OPLAH: variants seen among roughly 807,000 people sequenced by gnomAD.
OPLAH encodes the protein 5-oxoprolinase, ATP-hydrolysing.
Under a neutral mutation model 122.8 loss-of-function variants are expected in OPLAH, and 103 were observed. The observed-to-expected ratio is 0.84, with a 90% CI of 0.71 to 0.99. OPLAH has a LOEUF of 0.99. OPLAH is among the 50% of genes least tolerant of loss of function. OPLAH has a pLI of 0.00. For synonymous variants in OPLAH, 875 were observed against 796.0 expected, an observed-to-expected ratio of 1.10 and a Z score of -1.67; for missense variants, 1,902 against 1,836.5, an observed-to-expected ratio of 1.04 and a Z score of -0.65.
In OPLAH at chr8:144,057,532, GGA is replaced by G. The variant is rs782628949; in HGVS notation, c.1336_1337del (p.Ser446ProfsTer33). ...SFLTNGPCPA[S>X]PLSLEEVAMG... The stretch of plus-strand genomic sequence containing the variant: ...TGGCCACCTCCTCCAGGCTCAGCGG[GGA>G]GGCCGGGCAGGGCCCGTTGGTCAGG... On this transcript the variant is annotated frameshift_variant, in exon 10 of 27. Coordinates refer to ENST00000618853, the MANE Select transcript of OPLAH (RefSeq NM_017570.5). LOFTEE classifies it high-confidence loss of function. 13 of 1,597,076 alleles carry G rather than the reference GGA, an allele frequency of 8.1e-6. No individual in the cohort carries two copies. The Admixed American group carries it at 2.3e-4, about 28-fold the overall frequency.
Position 144,053,128 on chromosome 8 carries a change from G to A in OPLAH, c.2873C>T (p.Ala958Val). ...GTCTCGCACGGCCAGCTCAGCGTTT[G>A]CCTGGCAGGGAGCAGGATCAGTGGT... ...VVQAYMGHIQANAELAVRDML... is the reference protein window; with the variant it reads ...VVQAYMGHIQVNAELAVRDML... The change falls in exon 21 of 27, where the codon GCA becomes GTA. Residue 958 changes from alanine (A) to valine (V), a missense_variant and splice_region_variant. Ala to Val is a moderately conservative substitution (Grantham distance 64). Transcript: ENST00000618853. 6.2e-7 allele frequency: 1 copy of A among 1,607,264 alleles called. No homozygotes were observed. The highest frequency in any genetic ancestry group is 8.5e-7 in the Non-Finnish European group (1 of 1,177,528).
rs782724508 is a variant in OPLAH, at chr8:144,054,820, T to A, written c.2503A>T (p.Ile835Phe). ...GGSHLPDLTV[I>F]TPVFWPGQTR... ...CGGGCAGCACCCCTCACCGGTGTGA[T>A]AACAGTCAGGTCTGGCAGGTGGCTG... is the stretch of plus-strand genomic sequence containing the variant. The change falls in exon 18 of 27, where the codon ATC (isoleucine) becomes TTC (phenylalanine). Residue 835 changes from isoleucine (I) to phenylalanine (F), a missense_variant. Physicochemically the swap from Ile to Phe is conservative, Grantham distance 21 (BLOSUM62 0). This residue lies in a region of OPLAH where 1,726 missense variants were observed against 1,642.1 expected (regional missense o/e 1.05). Transcript: ENST00000618853. 8 of 1,612,056 alleles carry A rather than the reference T, an allele frequency of 5.0e-6. No homozygotes were observed. The South Asian group carries it at 5.5e-5, about 11-fold the overall frequency.
At chr8:144,054,501 G>A (rs1835459534) in intron 19 of OPLAH, 60 bp downstream of exon 19, 3 of 1,491,794 alleles carry the variant, frequency 2.0e-6, no homozygotes, top group South Asian at 2.6e-5. Flanking sequence ...AGGCCTGCTT[G>A]CCAGCAGTGG....
rs1252455845 is a variant in OPLAH at position 144,052,607 on chromosome 8, G to C, written c.3154-9C>G. ...ACTGGCGCCAGGCAGCCCTGTGCGGGGCGGGCGGCTCTCAGGAGCTCTTGG... is the reference window on the plus strand; with the variant it reads ...ACTGGCGCCAGGCAGCCCTGTGCGGCGCGGGCGGCTCTCAGGAGCTCTTGG... On this transcript the variant is annotated splice_polypyrimidine_tract_variant and intron_variant, in intron 22 of 26. Coordinates refer to ENST00000618853, the MANE Select transcript of OPLAH (RefSeq NM_017570.5). The C allele has an allele frequency of 6.3e-7, 1 of 1,587,138 alleles. No homozygotes were observed. The highest frequency in any genetic ancestry group is 8.5e-7 in the Non-Finnish European group (1 of 1,171,972).
At chr8:144,054,970 T>TGGGGGGGGGGGGG in intron 17 of OPLAH, 57 bp from the exon 18 acceptor site, 3 of 306,184 alleles carry the variant, frequency 9.8e-6, no homozygotes, top group South Asian at 1.2e-4. Context: ...CAGAGCGGGG[T>TGGGGGGGGGGGGG]GGGGGGGGGG....
In OPLAH at chr8:144,053,142, A is replaced by G. The variant is rs1554758145; in HGVS notation, c.2872-13T>C. On this transcript the variant is annotated splice_polypyrimidine_tract_variant and intron_variant, in intron 20 of 26. Transcript: ENST00000618853. ...GCTCAGCGTTTGCCTGGCAGGGAGC[A>G]GGATCAGTGGTGGCCAGGTCACCTG... 1 of 1,607,804 alleles carries G rather than the reference A, an allele frequency of 6.2e-7. No individual in the cohort carries two copies. Among genetic ancestry groups the G allele is most frequent in the Non-Finnish European group, 8.5e-7 (1 of 1,177,734 alleles).
intron 15 of OPLAH, 72 bp downstream of exon 15, chr8:144,056,075 C>T: frequency 6.5e-7 from 1 of 1,542,408 alleles, no homozygotes. Context: ...AGCCTTGGGC[C>T]AGAGAACCCT....
chr8:144,055,682 G>A lies in OPLAH; in HGVS notation c.2248+106C>T, dbSNP rs114884224. The A allele has an allele frequency of 7.2e-3, 9,590 of 1,337,952 alleles. 97 individuals carry two copies. The highest frequency in any genetic ancestry group is 0.035 in the South Asian group (2,069 of 58,874). 82.9% of individuals were successfully genotyped at this position (1,337,952 alleles called of 1,614,324 possible). ...CTGCGGCCACACTGCCCGCCCCGTCGCCAGGGGGTCCTGCTTCTGCCTCTC... is the reference window on the plus strand; with the variant it reads ...CTGCGGCCACACTGCCCGCCCCGTCACCAGGGGGTCCTGCTTCTGCCTCTC... On this transcript the variant is annotated intron_variant, in intron 16 of 26. Coordinates refer to ENST00000618853, the MANE Select transcript of OPLAH (RefSeq NM_017570.5). The surrounding 1 kb of genome is among the most constrained non-coding windows in gnomAD (Gnocchi z 6.5).
Position 144,057,271 on chromosome 8 carries a change from G to C in OPLAH, c.1472C>G (p.Ala491Gly), listed in dbSNP as rs782408258. 2.9e-5 allele frequency: 46 copies of C among 1,612,474 alleles called. No homozygotes were observed. In the South Asian group the frequency reaches 4.9e-4, roughly 17 times the overall value. ...GATGGCACATGCATGCTGCCCACCA[G>C]CTCCCCCAAAGCAGGCCAGCACATG... ...SAHVLACFGG[A>G]GGQHACAIAR... Residue 491 changes from alanine to glycine, a missense_variant, in exon 11 of 27, where the codon GCT becomes GGT. Around this residue, in one of 3 missense-constraint regions of OPLAH, gnomAD observed 1,726 missense variants for 1,642.1 expected, o/e 1.05. Coordinates refer to ENST00000618853, the MANE Select transcript of OPLAH (RefSeq NM_017570.5).
At position 144,058,378 on chromosome 8, in the gene OPLAH, G is replaced by A. The variant is rs781885560; in HGVS notation, c.810C>T (p.Ser270=). The A allele has an allele frequency of 1.3e-5, 21 of 1,592,772 alleles. No homozygotes were observed. The Admixed American group carries it at 1.4e-4, about 11-fold the overall frequency. Reference sequence around the variant, plus strand: ...TGTCCATGGGCGCCAGGCCGCCATCGGAGCGCATGAACAACACCTGCACAT... The same window carrying A: ...TGTCCATGGGCGCCAGGCCGCCATCAGAGCGCATGAACAACACCTGCACAT... ...LKDVQVLFMR[S]DGGLAPMDTF... The change falls in exon 7 of 27, where the codon TCC becomes TCT. Residue 270 remains serine (S), a synonymous_variant. Transcript: ENST00000618853.
upstream of OPLAH, among the ~76,000 whole-genome samples, chr8:144,063,226 G>T (rs1420560717): frequency 6.6e-6 from 1 of 151,876 alleles, no homozygotes; most frequent in Non-Finnish European, 1.5e-5. The surrounding 1 kb of genome is among the most constrained non-coding windows in gnomAD (Gnocchi z 4.2). Context: ...CTCCAGCAGC[G>T]GCTCCCCCAC....
At chr8:144,050,717 T>C, downstream of OPLAH, 1 of 984,366 alleles carries the variant, frequency 1.0e-6, no homozygotes, top group Non-Finnish European at 1.2e-6. Context: ...AGGGGGAGGG[T>C]ATCGGAGCGG....
intron 17 of OPLAH, 51 bp downstream of exon 17, chr8:144,054,978 G>T: frequency 5.7e-6 from 6 of 1,057,890 alleles, no homozygotes; most frequent in South Asian, 5.4e-5. Context: ...GGTGGGGGGG[G>T]GGTGGAGGGT....
rs1466686559 is a variant in OPLAH, at chr8:144,058,599, C to A, written c.680G>T (p.Arg227Leu). Residue 227 changes from arginine (R) to leucine (L), a missense_variant, in exon 6 of 27, where the codon CGC (arginine) becomes CTC (leucine). This residue lies in a region of OPLAH where 1,726 missense variants were observed against 1,642.1 expected (regional missense o/e 1.05). Coordinates refer to ENST00000618853, the MANE Select transcript of OPLAH (RefSeq NM_017570.5). ...GGCCGTGTGCCCCCGAGGGACGATGCGCACCATGGGCATGGCCTCCGAGGA... is the reference window on the plus strand; with the variant it reads ...GGCCGTGTGCCCCCGAGGGACGATGAGCACCATGGGCATGGCCTCCGAGGA... ...SLSSEAMPMVRIVPRGHTACA... is the reference protein window; with the variant it reads ...SLSSEAMPMVLIVPRGHTACA... 2 of 1,603,148 alleles carry A rather than the reference C, an allele frequency of 1.2e-6. No individual in the cohort carries two copies. The highest frequency in any genetic ancestry group is 3.3e-5 in the Admixed American group (2 of 59,916).
downstream of OPLAH, chr8:144,050,407 G>T: frequency 1.0e-6 from 1 of 985,590 alleles, no homozygotes. Flanking sequence ...TGGAGAGGTC[G>T]TGGCTTTCAG....
intron 17 of OPLAH, 57 bp from the exon 18 acceptor site, chr8:144,054,970 T>TG (rs371475686): frequency 0.049 from 14,804 of 300,474 alleles, 116 homozygotes; most frequent in African/African-American, 0.13. Context: ...CAGAGCGGGG[T>TG]GGGGGGGGGG....
chr8:144,062,004 G>C (rs1252223421), upstream of OPLAH, among the ~76,000 whole-genome samples: 3 of 146,510 alleles, frequency 2.0e-5, no homozygotes, highest in Non-Finnish European at 3.0e-5. Context: ...TGGCGACAGA[G>C]TGAGACTCCG....
In OPLAH at chr8:144,057,469, C is replaced by T; in HGVS notation, c.1401G>A (p.Arg467=). The T allele has an allele frequency of 6.3e-7, 1 of 1,590,134 alleles. No homozygotes were observed. Among genetic ancestry groups the T allele is most frequent in the Admixed American group, 1.8e-5 (1 of 56,056 alleles). ...GTACCTGCGTGAGTGCACGGATGGG[C>T]CGGCACATGGCCTCGTTGGCCACGC... The part of the protein sequence containing the change: ...FVRVANEAMC[R]PIRALTQARG... The change falls in exon 10 of 27, where the codon CGG becomes CGA. Residue 467 remains arginine, a synonymous_variant. Transcript: ENST00000618853.
chr8:144,057,975 G>A (rs1554759771), intron 8 of OPLAH, 35 bp downstream of exon 8: 3 of 1,612,176 alleles, frequency 1.9e-6, no homozygotes, highest in Admixed American at 3.3e-5. Context: ...GGGAGACAGG[G>A]CTGGGGTCCC....
Sources: allele counts gnomAD v4.1 joint callset (sites outside exome capture counted in the v4.1 genomes callset), GRCh38; gene constraint gnomAD v4.1.1; regional missense constraint gnomAD v4.1.1; non-coding constraint Gnocchi (gnomAD v3.1); transcripts MANE v1.5; gene names NCBI Gene and HGNC (gene_info 2026-07-23, HGNC 2026-07-21).